The following ANKLE2 variants were observed in gnomAD, a reference collection of about 807,000 sequenced individuals.
The protein encoded by ANKLE2 is ankyrin repeat and LEM domain containing 2, also known as ankyrin repeat and LEM domain-containing protein 2.
Under a neutral mutation model 84.2 loss-of-function variants are expected in ANKLE2, and 55 were observed. That is an observed-to-expected ratio of 0.65 (90% CI 0.53 to 0.82). The LOEUF is 0.82. Ranked by LOEUF, ANKLE2 falls within the 40% of genes least tolerant of loss-of-function variation. The pLI is 0.00. For missense variants in ANKLE2, 1,238 were observed against 1,201.9 expected, an observed-to-expected ratio of 1.03 and a Z score of -0.44; for synonymous variants, 551 against 486.1, an observed-to-expected ratio of 1.13 and a Z score of -1.76.
At chr12:132,727,963 T>C (rs1048826186) in intron 12 of ANKLE2, 69 bp downstream of exon 12, 2 of 1,539,156 alleles carry the variant, frequency 1.3e-6, no homozygotes, top group African/African-American at 1.4e-5. Flanking sequence ...TCGCATGAAG[T>C]GGAACTGGAC....
Position 132,729,811 on chromosome 12 carries a change from C to T in ANKLE2, c.2351G>A (p.Gly784Glu), listed in dbSNP as rs2043800164. 6.2e-7 allele frequency: 1 copy of T among 1,613,284 alleles called. No individual in the cohort carries two copies. Among genetic ancestry groups the T allele is most frequent in the Admixed American group, 1.7e-5 (1 of 59,958 alleles). Residue 784 changes from glycine to glutamate, a missense_variant, in exon 11 of 13, where the codon GGG (glycine) becomes GAG (glutamate). Transcript: ENST00000357997. ...ACTTTCTGTCCTCCTGTGGCCATTC[C>T]CGAGTTGGTCTGCGGGAGAAGGCTC... ...LLEPSPADQL[G>E]NGHRRTESEM...
At chr12:132,748,608 G>A (rs2044290498) in intron 3 of ANKLE2, among the ~76,000 whole-genome samples, 2 of 152,100 alleles carry the variant, frequency 1.3e-5, no homozygotes, top group Non-Finnish European at 1.5e-5. Context: ...GGCAGCCAGC[G>A]CGCCCCCATG....
chr12:132,747,288 C>T (rs1465258084), intron 5 of ANKLE2, among the ~76,000 whole-genome samples: 2 of 149,958 alleles, frequency 1.3e-5, no homozygotes, highest in Non-Finnish European at 3.0e-5. Flanking sequence ...CAGCATCTCT[C>T]TCTCTCCACA....
chr12:132,753,583 G>A (rs1593179374), intron 2 of ANKLE2, among the ~76,000 whole-genome samples: 2 of 152,044 alleles, frequency 1.3e-5, no homozygotes, highest in Admixed American at 6.6e-5. Flanking sequence ...GGCCAAAATC[G>A]CGAAACCTTG....
chr12:132,737,172 T>C (rs1364864284), intron 7 of ANKLE2, 107 bp from the exon 8 acceptor site: 1 of 1,240,168 alleles, frequency 8.1e-7, no homozygotes, highest in East Asian at 2.5e-5. Flanking sequence ...CCTCTGCAAA[T>C]GGATCCAACA....
At chr12:132,760,919 C>A (rs1019794150) in intron 1 of ANKLE2, 1 of 152,280 alleles carries the variant, frequency 6.6e-6, no homozygotes, top group African/African-American at 2.4e-5. Flanking sequence ...TCCAGAAGCT[C>A]CCTAGGGGCT....
At chr12:132,752,360 A>G (rs1421703719) in intron 2 of ANKLE2, among the ~76,000 whole-genome samples, 2 of 152,144 alleles carry the variant, frequency 1.3e-5, no homozygotes, top group Non-Finnish European at 2.9e-5. Context: ...AAATAAATAA[A>G]TAAATAATAA....
rs778400504 is a variant in ANKLE2 at position 132,743,205 on chromosome 12, G to C, written c.1302C>G (p.His434Gln). Residue 434 changes from histidine (H) to glutamine (Q), a missense_variant, in exon 6 of 13, where the codon CAC becomes CAG. His to Gln is a conservative substitution (Grantham distance 24). This residue lies in a region of ANKLE2 where 802 missense variants were observed against 774.5 expected (regional missense o/e 1.04). Coordinates refer to ENST00000357997, the MANE Select transcript of ANKLE2 (RefSeq NM_015114.3). The surrounding 1 kb of genome is among the most constrained non-coding windows in gnomAD (Gnocchi z 4.1). ...TCCTTGAGTTTTTTACAATCAAATG[G>C]TGTGACGAAAGCACGTTGACTACAT... ...NADVVNVLSS[H>Q]HLIVKNSRNK... 2.5e-6 allele frequency: 4 copies of C among 1,611,766 alleles called. No homozygotes were observed. Among genetic ancestry groups the C allele is most frequent in the Non-Finnish European group, 3.4e-6 (4 of 1,178,858 alleles).
intron 8 of ANKLE2, among the ~76,000 whole-genome samples, chr12:132,736,623 A>T (rs996748121): frequency 2.0e-5 from 3 of 152,222 alleles, no homozygotes; most frequent in Non-Finnish European, 4.4e-5. Flanking sequence ...CGCGCACAGG[A>T]CGGGGCTGGC....
Position 132,728,076 on chromosome 12 carries a change from T to C in ANKLE2, c.2571A>G (p.Arg857=), listed in dbSNP as rs1390524131. The C allele has an allele frequency of 5.0e-6, 8 of 1,612,714 alleles. No individual in the cohort carries two copies. The highest frequency in any genetic ancestry group is 6.8e-6 in the Non-Finnish European group (8 of 1,179,932). The part of the protein sequence containing the change: ...VDPHQFPAVH[R]WKSAVLCYSP... The stretch of plus-strand genomic sequence containing the variant: ...AGTAGCACAGGACAGCACTCTTCCA[T>C]CTGTGCACGGCCGGGAACTGATGGG... Residue 857 remains arginine, a synonymous_variant, in exon 12 of 13, where the codon AGA becomes AGG. Transcript: ENST00000357997.
In ANKLE2 at chr12:132,735,587, G is replaced by A. The variant is rs1227783499; in HGVS notation, c.1594-75C>T. On this transcript the variant is annotated intron_variant, in intron 8 of 12. Coordinates refer to ENST00000357997, the MANE Select transcript of ANKLE2 (RefSeq NM_015114.3). ...AGCTGCGGAAACCTGAAGAGCCGTCGTCATCGCAGTAGCTGCCTGTCTCCG... is the reference window on the plus strand; with the variant it reads ...AGCTGCGGAAACCTGAAGAGCCGTCATCATCGCAGTAGCTGCCTGTCTCCG... The A allele has an allele frequency of 5.3e-5, 63 of 1,199,758 alleles. No homozygotes were observed. In the Admixed American group the frequency reaches 8.2e-4, roughly 16 times the overall value. 74.3% of individuals were successfully genotyped at this position (1,199,758 alleles called of 1,614,324 possible).
intron 11 of ANKLE2, among the ~76,000 whole-genome samples, chr12:132,728,840 G>A (rs1433890188): frequency 6.6e-6 from 1 of 151,582 alleles, no homozygotes; most frequent in African/African-American, 2.4e-5. Flanking sequence ...CAGAAGGTTA[G>A]GGACATTTAT....
chr12:132,734,429 G>A lies in ANKLE2; in HGVS notation c.1847C>T (p.Thr616Ile), dbSNP rs575973237. ...QEIGKKAQQETGEREASCRDK... is the reference protein window; with the variant it reads ...QEIGKKAQQEIGEREASCRDK... The stretch of plus-strand genomic sequence containing the variant: ...TCGGCAGGAGGCTTCCCGTTCTCCT[G>A]TTTCTTGTTGAGCCTTTTTGCCTAT... The change falls in exon 10 of 13, where the codon ACA (threonine) becomes ATA (isoleucine). Residue 616 changes from threonine to isoleucine, a missense_variant. By Grantham distance (89) the Thr-to-Ile change is moderately conservative (BLOSUM62 -1). Around this residue, in one of 3 missense-constraint regions of ANKLE2, gnomAD observed 802 missense variants for 774.5 expected, o/e 1.04. Transcript: ENST00000357997. 3 of 1,614,150 alleles carry A rather than the reference G, an allele frequency of 1.9e-6. No homozygotes were observed. The highest frequency in any genetic ancestry group is 2.5e-6 in the Non-Finnish European group (3 of 1,180,030).
At chr12:132,750,526 C>T in intron 3 of ANKLE2, 117 bp downstream of exon 3, 3 of 1,050,654 alleles carry the variant, frequency 2.9e-6, no homozygotes, top group Non-Finnish European at 4.2e-6. Context: ...CCACTGAGAC[C>T]CCATCGACTC....
chr12:132,739,788 C>T (rs989561862), intron 7 of ANKLE2, among the ~76,000 whole-genome samples: 3 of 152,254 alleles, frequency 2.0e-5, no homozygotes, highest in Non-Finnish European at 2.9e-5. Context: ...GAAGCTACAA[C>T]GTGACCGAGG....
Position 132,743,041 on chromosome 12 carries a change from C to A in ANKLE2, c.1353+113G>T. The A allele has an allele frequency of 9.9e-7, 1 of 1,013,804 alleles. No individual in the cohort carries two copies. The highest frequency in any genetic ancestry group is 1.4e-6 in the Non-Finnish European group (1 of 734,764). The allele number at this position is 1,013,804 out of a possible 1,614,324, so 62.8% of individuals were successfully genotyped here. On this transcript the variant is annotated intron_variant, in intron 6 of 12. Coordinates refer to ENST00000357997, the MANE Select transcript of ANKLE2 (RefSeq NM_015114.3). This position sits in a 1 kb window ranked among gnomAD's most constrained non-coding sequence, Gnocchi z 4.1. ...TTCTAACATGTGCCCATAAAGCAAACACAACTCATACAGAGCTCCTTGTGG... is the reference window on the plus strand; with the variant it reads ...TTCTAACATGTGCCCATAAAGCAAAAACAACTCATACAGAGCTCCTTGTGG...
intron 3 of ANKLE2, 96 bp from the exon 4 acceptor site, chr12:132,748,427 G>A: frequency 1.4e-6 from 2 of 1,424,806 alleles, no homozygotes; most frequent in Non-Finnish European, 1.9e-6. Flanking sequence ...GCTTTCCACA[G>A]AGGCTTCTGG....
chr12:132,742,929 T>A (rs1315744300), intron 6 of ANKLE2, among the ~76,000 whole-genome samples: 1 of 151,668 alleles, frequency 6.6e-6, no homozygotes, highest in Non-Finnish European at 1.5e-5. Context: ...TTTAGGAAAA[T>A]AAAATCAGCA....
rs2044442564 is a variant in ANKLE2, at chr12:132,754,855, C to G, written c.460G>C (p.Asp154His). ...NPTDQAGFSE[D>H]RDFGYSVGLN... Reference sequence around the variant, plus strand: ...CCCACACTGTAACCAAAATCTCTGTCTTCAGAAAAACCAGCCTGATCAGTT... The same window carrying G: ...CCCACACTGTAACCAAAATCTCTGTGTTCAGAAAAACCAGCCTGATCAGTT... The change falls in exon 2 of 13, where the codon GAC (aspartate) becomes CAC (histidine). Residue 154 changes from aspartate to histidine, a missense_variant. Around this residue, in one of 3 missense-constraint regions of ANKLE2, gnomAD observed 422 missense variants for 394.5 expected, o/e 1.07. Transcript: ENST00000357997. 1 of 1,614,062 alleles carries G rather than the reference C, an allele frequency of 6.2e-7. No homozygotes were observed. Among genetic ancestry groups the G allele is most frequent in the South Asian group, 1.1e-5 (1 of 91,090 alleles).
Sources: gnomAD v4.1 joint callset for allele counts (sites outside exome capture counted in the v4.1 genomes callset) on GRCh38, gnomAD v4.1.1 for gene constraint, gnomAD v4.1.1 regional missense constraint, Gnocchi (gnomAD v3.1) non-coding constraint, MANE v1.5 for transcripts, NCBI Gene and HGNC (gene_info 2026-07-23, HGNC 2026-07-21) for gene names.